The following PPP2R5D variants were observed in gnomAD, a reference collection of about 807,000 sequenced individuals.
PPP2R5D encodes protein phosphatase 2 regulatory subunit B'delta.
In PPP2R5D, 12 loss-of-function variants were observed where a neutral mutation model predicts 79.1. That is an observed-to-expected ratio of 0.15 (90% CI 0.10 to 0.25). PPP2R5D has a LOEUF of 0.25. PPP2R5D is among the 10% of genes least tolerant of loss of function. The pLI is 1.00. For synonymous variants in PPP2R5D, 277 were observed against 286.6 expected, an observed-to-expected ratio of 0.97 and a Z score of 0.34; for missense variants, 419 against 760.2, an observed-to-expected ratio of 0.55 and a Z score of 5.28.
At chr6:42,996,183 G>GA (rs1295362557) in intron 2 of PPP2R5D, among the ~76,000 whole-genome samples, 3 of 149,004 alleles carry the variant, frequency 2.0e-5, no homozygotes, top group Non-Finnish European at 4.5e-5. Flanking sequence ...CAAAAAAGGG[G>GA]CCAGGCGCGG....
At chr6:42,998,057 A>T (rs12211917) in intron 2 of PPP2R5D, among the ~76,000 whole-genome samples, 665 of 12,722 alleles carry the variant, frequency 0.052, 41 homozygotes, top group African/African-American at 0.078. Flanking sequence ...ATATATATAT[A>T]TTTTTTTTTT....
rs1463790539 is a variant in PPP2R5D, at chr6:43,011,267, C to G, written c.1790C>G (p.Ala597Gly). ...AAGCGGGCGGAAGAGTTCCTAACTGCCAGCCAGGAGGCTCTCTGACCCCTC... is the reference window on the plus strand; with the variant it reads ...AAGCGGGCGGAAGAGTTCCTAACTGGCAGCCAGGAGGCTCTCTGACCCCTC... ...AHKRAEEFLTASQEAL is the reference protein window; with the variant it reads ...AHKRAEEFLTGSQEAL The change falls in exon 16 of 16, where the codon GCC (alanine) becomes GGC (glycine). Residue 597 changes from alanine to glycine, a missense_variant. Physicochemically the swap from Ala to Gly is moderately conservative, Grantham distance 60. Coordinates refer to ENST00000485511, the MANE Select transcript of PPP2R5D (RefSeq NM_006245.4). The G allele has an allele frequency of 6.2e-7, 1 of 1,614,028 alleles. No individual in the cohort carries two copies. Among genetic ancestry groups the G allele is most frequent in the South Asian group, 1.1e-5 (1 of 91,080 alleles).
chr6:43,002,954 T>C (rs539194945), intron 2 of PPP2R5D, among the ~76,000 whole-genome samples: 1 of 152,158 alleles, frequency 6.6e-6, no homozygotes, highest in Admixed American at 6.5e-5. Context: ...TAGACTCTGT[T>C]TGGGGGCAAG....
At chr6:42,990,779 G>A (rs1276939157) in intron 2 of PPP2R5D, among the ~76,000 whole-genome samples, 1 of 141,514 alleles carries the variant, frequency 7.1e-6, no homozygotes, top group African/African-American at 2.8e-5. Flanking sequence ...GTACGATCTC[G>A]GCTCACTGCA....
Position 43,006,311 on chromosome 6 carries a change from T to C in PPP2R5D, c.106-152T>C. 1 of 1,363,624 alleles carries C rather than the reference T, an allele frequency of 7.3e-7. No homozygotes were observed. The highest frequency in any genetic ancestry group is 2.7e-4 in the Middle Eastern group (1 of 3,744). 84.5% of individuals were successfully genotyped at this position (1,363,624 alleles called of 1,614,324 possible). On this transcript the variant is annotated intron_variant, in intron 2 of 15. Transcript: ENST00000485511. This position sits in a 1 kb window ranked among gnomAD's most constrained non-coding sequence, Gnocchi z 4.7. ...CCCTGCCAGGGCTACAGCACAGTTA[T>C]CTCTGTAACCCTGGCCTTAGCTCCT...
intron 1 of PPP2R5D, 132 bp from the exon 2 acceptor site, chr6:42,989,479 C>T (rs1771094362): frequency 1.3e-6 from 1 of 749,716 alleles, no homozygotes; most frequent in Non-Finnish European, 2.2e-6. Flanking sequence ...CACCCCAGCT[C>T]CGCACAAGGT....
At chr6:42,992,063 T>C (rs1771300655) in intron 2 of PPP2R5D, among the ~76,000 whole-genome samples, 1 of 152,092 alleles carries the variant, frequency 6.6e-6, no homozygotes, top group Non-Finnish European at 1.5e-5. Context: ...GTCCTTCCCT[T>C]GCCCTTTTTC....
chr6:43,008,600 C>T lies in PPP2R5D; in HGVS notation c.1027-93C>T. 6.7e-7 allele frequency: 1 copy of T among 1,501,874 alleles called. No homozygotes were observed. The highest frequency in any genetic ancestry group is 9.3e-7 in the Non-Finnish European group (1 of 1,080,834). The allele number at this position is 1,501,874 out of a possible 1,614,324, so 93.0% of individuals were successfully genotyped here. ...TGGGATAATTCCTTCCCTCCATCTC[C>T]CCTTCCCTTCTGGGATCTTGTTTCT... On this transcript the variant is annotated intron_variant, in intron 9 of 15. Coordinates refer to ENST00000485511, the MANE Select transcript of PPP2R5D (RefSeq NM_006245.4). The surrounding 1 kb of genome is among the most constrained non-coding windows in gnomAD (Gnocchi z 4.2).
At chr6:42,996,675 G>C (rs901945947) in intron 2 of PPP2R5D, among the ~76,000 whole-genome samples, 2 of 152,166 alleles carry the variant, frequency 1.3e-5, no homozygotes, top group African/African-American at 4.8e-5. Flanking sequence ...CAAGGGCCAT[G>C]TCTTAGTCAC....
At chr6:42,994,579 C>T (rs913567888) in intron 2 of PPP2R5D, among the ~76,000 whole-genome samples, 5 of 152,146 alleles carry the variant, frequency 3.3e-5, no homozygotes, top group East Asian at 1.9e-4. Flanking sequence ...CCGAGGCGGG[C>T]GGATCACCTG....
intron 1 of PPP2R5D, among the ~76,000 whole-genome samples, chr6:42,988,420 A>C (rs1771011514): frequency 2.0e-5 from 3 of 152,096 alleles, no homozygotes; most frequent in Admixed American, 2.0e-4. Flanking sequence ...CTCCATGATA[A>C]AATTCTTCCT....
Position 43,001,812 on chromosome 6 carries a change from G to A in PPP2R5D, c.106-4651G>A, listed in dbSNP as rs1263810204. Reference sequence around the variant, plus strand: ...TGAGGCAGGAGAATTGCTTGAACCCGGGAGGCAGAGGTTGCAGTGAGCTGA... The same window carrying A: ...TGAGGCAGGAGAATTGCTTGAACCCAGGAGGCAGAGGTTGCAGTGAGCTGA... On this transcript the variant is annotated intron_variant, in intron 2 of 15. Transcript: ENST00000485511. Among the ~76,000 whole-genome samples the A allele has an allele frequency of 2.0e-5, 3 of 151,814 alleles. No homozygotes were observed. In the East Asian group the frequency reaches 5.9e-4, roughly 30 times the overall value.
In PPP2R5D at chr6:43,011,177, T is replaced by C. The variant is rs761054959; in HGVS notation, c.1700T>C (p.Val567Ala). Residue 567 changes from valine to alanine, a missense_variant, in exon 16 of 16, where the codon GTG becomes GCG. Val to Ala is a moderately conservative substitution (Grantham distance 64). Transcript: ENST00000485511. Reference sequence around the variant, plus strand: ...CTAAAAGACATCAAGAAGGAGAAAGTGCTGCTGCGGAGGAAGTCGGAGCTG... The same window carrying C: ...CTAAAAGACATCAAGAAGGAGAAAGCGCTGCTGCGGAGGAAGTCGGAGCTG... ...QMLKDIKKEK[V>A]LLRRKSELPQ... The C allele has an allele frequency of 1.9e-6, 3 of 1,613,962 alleles. No homozygotes were observed. In the African/African-American group the frequency reaches 4.0e-5, roughly 22 times the overall value.
At chr6:43,004,759 CTTT>C (rs1190895437) in intron 2 of PPP2R5D, among the ~76,000 whole-genome samples, 2 of 140,176 alleles carry the variant, frequency 1.4e-5, no homozygotes. Context: ...GTTTTCTTTT[CTTT>C]TTTTTTTTTT....
chr6:42,985,605 CT>C (rs111692462), intron 1 of PPP2R5D, among the ~76,000 whole-genome samples: 159 of 147,352 alleles, frequency 1.1e-3, no homozygotes, highest in Middle Eastern at 3.5e-3. Flanking sequence ...TGCATTTTTC[CT>C]TTTTTTTTTT....
At chr6:42,996,505 A>G (rs1381743010) in intron 2 of PPP2R5D, among the ~76,000 whole-genome samples, 2 of 150,720 alleles carry the variant, frequency 1.3e-5, no homozygotes, top group Non-Finnish European at 3.0e-5. Context: ...GCCAAAAAAG[A>G]AAAAAAAACA....
chr6:43,002,166 C>CT (rs775043995), intron 2 of PPP2R5D, among the ~76,000 whole-genome samples: 9,918 of 140,720 alleles, frequency 0.07, 394 homozygotes, highest in Non-Finnish European at 0.1. Context: ...TTTGGTTGTT[C>CT]TTTTTTTTTT....
In PPP2R5D at chr6:43,000,236, C is replaced by CTT. The variant is rs1204045076; in HGVS notation, c.106-6209_106-6208dup. Among the ~76,000 whole-genome samples the CTT allele has an allele frequency of 8.5e-4, 90 of 106,008 alleles. 6 individuals are homozygous for CTT. The highest frequency in any genetic ancestry group is 1.3e-3 in the Non-Finnish European group (73 of 56,764). The allele number at this position is 106,008 out of a possible 152,430, so 69.5% of individuals were successfully genotyped here. A position where few individuals can be genotyped will look rare whatever the true frequency, so the allele number is the denominator to read the frequency against. On this transcript the variant is annotated intron_variant, in intron 2 of 15. Transcript: ENST00000485511. ...GGCGTGAGCCACCACGTCTGGCCAC[C>CTT]TTTTTTTTTTTTTTTTTTTGAGATA...
intron 2 of PPP2R5D, among the ~76,000 whole-genome samples, chr6:42,993,952 C>G (rs1771455119): frequency 6.6e-6 from 1 of 152,200 alleles, no homozygotes; most frequent in Non-Finnish European, 1.5e-5. Context: ...ATTTAACCTT[C>G]ACAATACTCC....
Sources: gnomAD v4.1 joint callset for allele counts (sites outside exome capture counted in the v4.1 genomes callset) on GRCh38, gnomAD v4.1.1 for gene constraint, Gnocchi (gnomAD v3.1) non-coding constraint, MANE v1.5 for transcripts, NCBI Gene and HGNC (gene_info 2026-07-23, HGNC 2026-07-21) for gene names.